PTPN21: variants seen among roughly 807,000 people sequenced by gnomAD.
PTPN21 encodes the protein protein tyrosine phosphatase non-receptor type 21.
In PTPN21, 77 loss-of-function variants were observed where a neutral mutation model predicts 131.8. That is an observed-to-expected ratio of 0.58 (90% CI 0.49 to 0.71). The LOEUF (loss-of-function observed/expected upper bound fraction) is 0.71. Among genes scored for constraint, PTPN21 ranks in the 30% least tolerant of loss-of-function variants. The probability of loss-of-function intolerance (pLI) is 0.00; values close to 1 mark genes in which losing one functional copy is unlikely to be tolerated. For synonymous variants in PTPN21, 715 were observed against 621.3 expected (o/e 1.15, Z -2.24); for missense variants, 1,552 against 1,527.1 (o/e 1.02, Z -0.27).
At position 88,554,757 on chromosome 14, in the gene PTPN21, C is replaced by T. The variant is rs2078903304; in HGVS notation, c.-309G>A. ...GCCGCAGCCGCACCCGCACGCCAGC[C>T]CGGGCCGCGGCGCGCTCATGGGGCT... On this transcript the variant is annotated 5_prime_UTR_variant, in exon 1 of 19. Transcript: ENST00000556564. 1 of 149,774 alleles carries T rather than the reference C, an allele frequency of 6.7e-6. No homozygotes were observed. The highest frequency in any genetic ancestry group is 2.0e-4 in the South Asian group (1 of 5,050). 9.3% of individuals were successfully genotyped at this position (149,774 alleles called of 1,614,324 possible).
intron 2 of PTPN21, among the ~76,000 whole-genome samples, chr14:88,525,979 T>C (rs1434010476): frequency 6.6e-6 from 1 of 152,192 alleles, no homozygotes. Context: ...ATTCTGTTTA[T>C]ATGAAACATC....
intron 2 of PTPN21, among the ~76,000 whole-genome samples, chr14:88,519,714 C>T (rs2078360595): frequency 6.6e-6 from 1 of 151,988 alleles, no homozygotes. Context: ...GCCCATTTTC[C>T]CCTATATCCA....
At chr14:88,473,547 A>G (rs2077501959) in intron 14 of PTPN21, 118 bp downstream of exon 14, 1 of 1,266,458 alleles carries the variant, frequency 7.9e-7, no homozygotes, top group African/African-American at 1.6e-5. Flanking sequence ...AAAATTCCTT[A>G]ACACTCATTT....
Position 88,468,902 on chromosome 14 carries a change from A to G in PTPN21, c.3396+14T>C. ...TTCCACCCAAAAAGGCCAGGTGATC[A>G]TAAGCGCCATCACCTCATTGTGTTC... On this transcript the variant is annotated intron_variant, in intron 18 of 18. Transcript: ENST00000556564. The G allele has an allele frequency of 6.2e-7, 1 of 1,613,970 alleles. No homozygotes were observed. Among genetic ancestry groups the G allele is most frequent in the Non-Finnish European group, 8.5e-7 (1 of 1,179,926 alleles).
In PTPN21 at chr14:88,501,313, C is replaced by A. The variant is rs563014812; in HGVS notation, c.643G>T (p.Asp215Tyr). 2 of 1,614,110 alleles carry A rather than the reference C, an allele frequency of 1.2e-6. No homozygotes were observed. Among genetic ancestry groups the A allele is most frequent in the African/African-American group, 2.7e-5 (2 of 75,070 alleles). ...GGGTAGCTCTCTTCTCCATAGCCAT[C>A]CATTCTCTCTACCTCCTGCATGTAC... Reference protein sequence around the residue: ...MLYMQEVERMDGYGEESYPAK... With the variant: ...MLYMQEVERMYGYGEESYPAK... Residue 215 changes from aspartate (D) to tyrosine (Y), a missense_variant, in exon 7 of 19, where the codon GAT becomes TAT. By Grantham distance (160) the Asp-to-Tyr change is radical. Coordinates refer to ENST00000556564, the MANE Select transcript of PTPN21 (RefSeq NM_007039.4).
intron 8 of PTPN21, 78 bp from the exon 9 acceptor site, chr14:88,497,368 C>G (rs2077935415): frequency 1.5e-5 from 17 of 1,151,622 alleles, no homozygotes; most frequent in Non-Finnish European, 2.2e-5. Context: ...CAAGTTTTCC[C>G]TAAGCCTGAC....
chr14:88,551,114 G>A (rs1158894238), intron 1 of PTPN21: 4 of 152,178 alleles, frequency 2.6e-5, no homozygotes, highest in African/African-American at 7.2e-5. Flanking sequence ...ACTAAGAAAG[G>A]CAGGTGTGTG....
rs1454559954 is a variant in PTPN21 at position 88,550,406 on chromosome 14, T to C, written c.12A>G (p.Pro4=). 4 of 1,613,632 alleles carry C rather than the reference T, an allele frequency of 2.5e-6. No homozygotes were observed. The African/African-American group carries it at 5.3e-5, about 22-fold the overall frequency. Residue 4 remains proline (P), a synonymous_variant, in exon 2 of 19, where the codon CCA becomes CCG. Transcript: ENST00000556564. MPL[P]FGLKLKRTRR... ...GGGTGCGTTTCAGTTTCAACCCAAATGGCAGTGGCATCTTCTTCTTTCTTC... is the reference window on the plus strand; with the variant it reads ...GGGTGCGTTTCAGTTTCAACCCAAACGGCAGTGGCATCTTCTTCTTTCTTC...
At chr14:88,525,717 T>G (rs759516904) in intron 2 of PTPN21, among the ~76,000 whole-genome samples, 1 of 151,994 alleles carries the variant, frequency 6.6e-6, no homozygotes, top group Non-Finnish European at 1.5e-5. Flanking sequence ...CCAAAAGAAC[T>G]GAAAAACAGG....
rs751614231 is a variant in PTPN21, at chr14:88,479,127, C to G, written c.2304G>C (p.Glu768Asp). 4.5e-6 allele frequency: 7 copies of G among 1,558,084 alleles called. No individual in the cohort carries two copies. In the South Asian group the frequency reaches 6.1e-5, roughly 13 times the overall value. Residue 768 changes from glutamate (E) to aspartate (D), a missense_variant, in exon 13 of 19, where the codon GAG (glutamate) becomes GAC (aspartate). By Grantham distance (45) the Glu-to-Asp change is conservative (BLOSUM62 2). Transcript: ENST00000556564. The part of the protein sequence containing the change: ...LEPKAHVPDA[E>D]KRMMDSSPVR... Reference sequence around the variant, plus strand: ...CGGGGCTGCTGTCCATCATCCTCTTCTCCGCGTCTGGGACGTGGGCCTTGG... The same window carrying G: ...CGGGGCTGCTGTCCATCATCCTCTTGTCCGCGTCTGGGACGTGGGCCTTGG...
intron 2 of PTPN21, among the ~76,000 whole-genome samples, chr14:88,522,620 A>G (rs780494524): frequency 1.1e-4 from 16 of 152,128 alleles, no homozygotes; most frequent in African/African-American, 3.6e-4. Context: ...ACCTGCCCCA[A>G]TGTTCAAGTT....
At chr14:88,497,892 G>A (rs768146991) in intron 8 of PTPN21, among the ~76,000 whole-genome samples, 35 of 151,976 alleles carry the variant, frequency 2.3e-4, no homozygotes, top group Non-Finnish European at 3.7e-4. Flanking sequence ...CTGAGGTCAC[G>A]AGTTTCAGAC....
chr14:88,492,422 G>A (rs1323306961), intron 10 of PTPN21, among the ~76,000 whole-genome samples: 3 of 152,156 alleles, frequency 2.0e-5, no homozygotes, highest in Non-Finnish European at 4.4e-5. Flanking sequence ...GCCCCTAGCA[G>A]AAACCGCTTC....
intron 3 of PTPN21, among the ~76,000 whole-genome samples, chr14:88,511,262 C>T (rs1364982415): frequency 2.6e-5 from 4 of 151,922 alleles, no homozygotes; most frequent in Admixed American, 1.3e-4. Context: ...GAGCAGATGG[C>T]CAAGAAATTA....
At chr14:88,501,657 C>T (rs992580438) in intron 6 of PTPN21, among the ~76,000 whole-genome samples, 3 of 152,044 alleles carry the variant, frequency 2.0e-5, no homozygotes, top group African/African-American at 7.2e-5. Context: ...TTGAACTTTT[C>T]TTAAACCACC....
intron 2 of PTPN21, among the ~76,000 whole-genome samples, chr14:88,534,858 C>G (rs1247746349): frequency 6.6e-6 from 1 of 152,234 alleles, no homozygotes; most frequent in Non-Finnish European, 1.5e-5. Context: ...ACCTGGGCAA[C>G]AGAGTGAGAC....
rs57049967 is a variant in PTPN21 at position 88,527,561 on chromosome 14, T to C, written c.181-10300A>G. Among the ~76,000 whole-genome samples the C allele has an allele frequency of 5.3e-3, 812 of 152,340 alleles. 5 individuals carry two copies. The highest frequency in any genetic ancestry group is 0.019 in the African/African-American group (789 of 41,580). ...CCTTGTGGATTCTGGATATTAGTCCTTTGTCAGATGCACAGTTTGCAAGTA... is the reference window on the plus strand; with the variant it reads ...CCTTGTGGATTCTGGATATTAGTCCCTTGTCAGATGCACAGTTTGCAAGTA... On this transcript the variant is annotated intron_variant, in intron 2 of 18. Coordinates refer to ENST00000556564, the MANE Select transcript of PTPN21 (RefSeq NM_007039.4).
intron 2 of PTPN21, among the ~76,000 whole-genome samples, chr14:88,531,427 C>T (rs2078553906): frequency 6.6e-6 from 1 of 152,028 alleles, no homozygotes; most frequent in Admixed American, 6.6e-5. Flanking sequence ...CATGGTGGTG[C>T]ATGCCTGTAG....
chr14:88,532,625 T>G (rs2078570916), intron 2 of PTPN21, among the ~76,000 whole-genome samples: 1 of 152,234 alleles, frequency 6.6e-6, no homozygotes, highest in Non-Finnish European at 1.5e-5. Flanking sequence ...TTTTTTTTCT[T>G]ATTTTATACA....
Sources: gnomAD v4.1 joint callset for allele counts (sites outside exome capture counted in the v4.1 genomes callset) on GRCh38, gnomAD v4.1.1 for gene constraint, MANE v1.5 for transcripts, NCBI Gene and HGNC (gene_info 2026-07-23, HGNC 2026-07-21) for gene names.